PGD: variants seen among roughly 807,000 people sequenced by gnomAD.
PGD encodes the protein 6-phosphogluconate dehydrogenase, decarboxylating.
In PGD, 21 loss-of-function variants were observed where a neutral mutation model predicts 60.4. The ratio of observed to expected loss-of-function variants is 0.35; its 90% CI spans 0.25 to 0.50. PGD has a LOEUF of 0.50. Ranked by LOEUF, PGD falls within the 20% of genes least tolerant of loss-of-function variation. The pLI is 0.98. For synonymous variants in PGD, 230 were observed against 235.9 expected, an observed-to-expected ratio of 0.97 and a Z score of 0.23; for missense variants, 477 against 613.1, an observed-to-expected ratio of 0.78 and a Z score of 2.34.
At position 10,400,567 on chromosome 1, in the gene PGD, A is replaced by G. The variant is rs1639298663; in HGVS notation, c.259A>G (p.Lys87Glu). Residue 87 changes from lysine (K) to glutamate (E), a missense_variant, in exon 3 of 13, where the codon AAA (lysine) becomes GAA (glutamate). Lys to Glu is a moderately conservative substitution (Grantham distance 56). Coordinates refer to ENST00000270776, the MANE Select transcript of PGD (RefSeq NM_002631.4). ...AGQAVDDFIEKLVPLLDTGDI... is the reference protein window; with the variant it reads ...AGQAVDDFIEELVPLLDTGDI... Reference sequence around the variant, plus strand: ...GCAAGCTGTGGATGATTTCATCGAGAAATTGGTGAGGCCAGCTGTGCTCTC... The same window carrying G: ...GCAAGCTGTGGATGATTTCATCGAGGAATTGGTGAGGCCAGCTGTGCTCTC... 6.2e-7 allele frequency: 1 copy of G among 1,613,114 alleles called. No individual in the cohort carries two copies. The highest frequency in any genetic ancestry group is 2.2e-5 in the East Asian group (1 of 44,846).
Position 10,419,911 on chromosome 1 carries a change from G to C in PGD, c.*162G>C. On this transcript the variant is annotated 3_prime_UTR_variant, in exon 13 of 13. Coordinates refer to ENST00000270776, the MANE Select transcript of PGD (RefSeq NM_002631.4). Reference sequence around the variant, plus strand: ...CACAGTTTATTTGTAAAGTAGCTCTGTGAGAGCCACCATGCCCTCTGCCCT... The same window carrying C: ...CACAGTTTATTTGTAAAGTAGCTCTCTGAGAGCCACCATGCCCTCTGCCCT... The C allele has an allele frequency of 3.6e-6, 3 of 822,062 alleles. No homozygotes were observed. In the South Asian group the frequency reaches 5.0e-5, roughly 14 times the overall value. 50.9% of individuals were successfully genotyped at this position (822,062 alleles called of 1,614,324 possible).
rs762454815 is a variant in PGD, at chr1:10,403,143, G to A, written c.330+7G>A. On this transcript the variant is annotated splice_region_variant and intron_variant, in intron 4 of 12. Coordinates refer to ENST00000270776, the MANE Select transcript of PGD (RefSeq NM_002631.4). Reference sequence around the variant, plus strand: ...TGAATATAGGGACACCACAGTAAGTGTTCTTCAGTCCAGATTCTTCCAGGT... The same window carrying A: ...TGAATATAGGGACACCACAGTAAGTATTCTTCAGTCCAGATTCTTCCAGGT... 116 of 1,582,700 alleles carry A rather than the reference G, an allele frequency of 7.3e-5. No individual in the cohort carries two copies. In the South Asian group the frequency reaches 1.3e-3, roughly 17 times the overall value.
At chr1:10,417,168 G>A in intron 9 of PGD, 51 bp downstream of exon 9, 1 of 1,602,974 alleles carries the variant, frequency 6.2e-7, no homozygotes, top group African/African-American at 1.3e-5. Flanking sequence ...GGAAGGCAGT[G>A]GGGGTGGGGG....
Position 10,400,494 on chromosome 1 carries a change from C to T in PGD, c.186C>T (p.Val62=). ...GTGCCCAGTCCCTGAAAGAGATGGT[C>T]TCCAAGCTGAAGAAGCCCCGGCGGA... ...VVGAQSLKEM[V]SKLKKPRRII... is the part of the protein sequence containing the mutation. The change falls in exon 3 of 13, where the codon GTC becomes GTT. Residue 62 remains valine, a synonymous_variant. Transcript: ENST00000270776. The T allele has an allele frequency of 6.2e-7, 1 of 1,614,028 alleles. No homozygotes were observed. The highest frequency in any genetic ancestry group is 8.5e-7 in the Non-Finnish European group (1 of 1,179,984).
At chr1:10,409,788 T>C (rs1354874481) in intron 6 of PGD, among the ~76,000 whole-genome samples, 1 of 151,458 alleles carries the variant, frequency 6.6e-6, no homozygotes, top group African/African-American at 2.4e-5. Context: ...CCATTGTAGC[T>C]GGGATTACAG....
At chr1:10,408,596 T>G (rs754567878) in intron 6 of PGD, among the ~76,000 whole-genome samples, 9 of 152,134 alleles carry the variant, frequency 5.9e-5, no homozygotes, top group Non-Finnish European at 1.2e-4. Context: ...ATTCTGTGCT[T>G]GAACAAAGTA....
chr1:10,403,843 G>A (rs1557759791), intron 4 of PGD, among the ~76,000 whole-genome samples: 1 of 152,140 alleles, frequency 6.6e-6, no homozygotes, highest in Non-Finnish European at 1.5e-5. Context: ...CCTACTCTTC[G>A]TTGAGTCTTA....
chr1:10,414,514 A>G (rs1003505507), intron 8 of PGD, among the ~76,000 whole-genome samples: 11 of 151,792 alleles, frequency 7.2e-5, no homozygotes, highest in African/African-American at 2.7e-4. Flanking sequence ...AGCTGGGATT[A>G]CAGGCATGCG....
Position 10,404,292 on chromosome 1 carries a change from A to C in PGD, c.449+13A>C. 6.6e-7 allele frequency: 1 copy of C among 1,512,018 alleles called. No individual in the cohort carries two copies. The highest frequency in any genetic ancestry group is 1.1e-5 in the South Asian group (1 of 87,152). The allele number at this position is 1,512,018 out of a possible 1,614,324, so 93.7% of individuals were successfully genotyped here. A position where few individuals can be genotyped will look rare whatever the true frequency, so the allele number is the denominator to read the frequency against. Reference sequence around the variant, plus strand: ...ACAAAGAAGCGTGGTGAGTGCCATCAGCACTGTGCCCATCTCTGTACAAGG... The same window carrying C: ...ACAAAGAAGCGTGGTGAGTGCCATCCGCACTGTGCCCATCTCTGTACAAGG... On this transcript the variant is annotated intron_variant, in intron 5 of 12. Coordinates refer to ENST00000270776, the MANE Select transcript of PGD (RefSeq NM_002631.4).
At chr1:10,411,702 C>G in intron 7 of PGD, 150 bp downstream of exon 7, 1 of 789,252 alleles carries the variant, frequency 1.3e-6, no homozygotes, top group Admixed American at 2.4e-5. Context: ...TAGTAATAGG[C>G]CTATACACTA....
intron 3 of PGD, 119 bp downstream of exon 3, chr1:10,400,691 CCA>C: frequency 1.4e-6 from 1 of 728,962 alleles, no homozygotes; most frequent in Non-Finnish European, 2.2e-6. Context: ...TAAGCTCTGA[CCA>C]AATGATTGCT....
chr1:10,414,360 G>C (rs573775267), intron 8 of PGD, among the ~76,000 whole-genome samples: 1 of 152,082 alleles, frequency 6.6e-6, no homozygotes, highest in East Asian at 1.9e-4. Context: ...TCTTGGCCGG[G>C]GGGGTGGTTT....
chr1:10,414,067 GTT>G (rs1027350589), intron 8 of PGD, among the ~76,000 whole-genome samples: 24 of 152,108 alleles, frequency 1.6e-4, no homozygotes, highest in Non-Finnish European at 5.9e-5. Flanking sequence ...TCCAAAAAAA[GTT>G]TGCGAATAAC....
chr1:10,418,106 C>T lies in PGD; in HGVS notation c.1109+597C>T, dbSNP rs115993188. ...TCTTGGGAATTTTGCTCTGTATTTT[C>T]ATTGAAAATGCCAAATCATAGAAAA... On this transcript the variant is annotated intron_variant, in intron 10 of 12. Coordinates refer to ENST00000270776, the MANE Select transcript of PGD (RefSeq NM_002631.4). 8.8e-3 allele frequency among the ~76,000 whole-genome samples: 1,341 copies of T among 152,300 alleles called. 23 individuals are homozygous for T. Among genetic ancestry groups the T allele is most frequent in the African/African-American group, 0.031 (1,285 of 41,566 alleles).
At chr1:10,400,704 T>C in intron 3 of PGD, 132 bp downstream of exon 3, 1 of 680,592 alleles carries the variant, frequency 1.5e-6, no homozygotes, top group Non-Finnish European at 2.4e-6. Context: ...AATGATTGCT[T>C]AACTGTTGCA....
chr1:10,402,980 C>A, intron 3 of PGD, 91 bp from the exon 4 acceptor site: 1 of 900,320 alleles, frequency 1.1e-6, no homozygotes, highest in Non-Finnish European at 1.9e-6. Context: ...TCTTTTTAGA[C>A]TATGTTTATT....
At chr1:10,417,311 C>T (rs1235621902) in intron 9 of PGD, 65 bp from the exon 10 acceptor site, 1 of 1,524,616 alleles carries the variant, frequency 6.6e-7, no homozygotes, top group Non-Finnish European at 8.9e-7. Context: ...GAGAATAAGA[C>T]TGGTAGACAT....
intron 6 of PGD, among the ~76,000 whole-genome samples, chr1:10,411,084 G>T (rs1332078566): frequency 6.6e-6 from 1 of 152,052 alleles, no homozygotes; most frequent in African/African-American, 2.4e-5. Context: ...TCTTGTGGGT[G>T]GGGGCTGGGA....
chr1:10,399,349 C>T lies in PGD; in HGVS notation c.8+224C>T, dbSNP rs568352612. 14 of 564,644 alleles carry T rather than the reference C, an allele frequency of 2.5e-5. 1 individual carries two copies. In the South Asian group the frequency reaches 3.4e-4, roughly 14 times the overall value. 35.0% of individuals were successfully genotyped at this position (564,644 alleles called of 1,614,324 possible). On this transcript the variant is annotated intron_variant, in intron 1 of 12. Transcript: ENST00000270776. ...CGCGCAGGCATGGGGCGGGGCGGGT[C>T]CCTTCGAGGGCCAGGGAGGAGGCGC...
Sources: gnomAD v4.1 joint callset for allele counts (sites outside exome capture counted in the v4.1 genomes callset) on GRCh38, gnomAD v4.1.1 for gene constraint, MANE v1.5 for transcripts, NCBI Gene and HGNC (gene_info 2026-07-23, HGNC 2026-07-21) for gene names.